RINL: variants seen among roughly 807,000 people sequenced by gnomAD.
The protein encoded by RINL is Ras and Rab interactor like.
In RINL, 39 loss-of-function variants were observed where a neutral mutation model predicts 58.1. That is an observed-to-expected ratio of 0.67 (90% CI 0.52 to 0.88). The LOEUF (loss-of-function observed/expected upper bound fraction) is 0.88. Ranked by LOEUF, RINL falls within the 40% of genes least tolerant of loss-of-function variation. RINL has a pLI of 0.00. For missense variants in RINL, 711 were observed against 749.2 expected, an observed-to-expected ratio of 0.95 and a Z score of 0.60; for synonymous variants, 286 against 323.1, an observed-to-expected ratio of 0.89 and a Z score of 1.23.
rs999701905 is a variant in RINL at position 38,873,969 on chromosome 19, C to A, written c.230G>T (p.Arg77Leu). ...CAACACCAGGGCCTGGCTGGGGTCACGTCCTGTGACCAAGAAACTCTGGGG... is the reference window on the plus strand; with the variant it reads ...CAACACCAGGGCCTGGCTGGGGTCAAGTCCTGTGACCAAGAAACTCTGGGG... ...WPLGSFLVTG[R>L]DPSQALVLRS... The change falls in exon 4 of 12, where the codon CGT becomes CTT. Residue 77 changes from arginine (R) to leucine (L), a missense_variant. Coordinates refer to ENST00000591812, the MANE Select transcript of RINL (RefSeq NM_001195833.2). The A allele has an allele frequency of 2.0e-6, 3 of 1,535,190 alleles. No homozygotes were observed. Among genetic ancestry groups the A allele is most frequent in the Non-Finnish European group, 2.6e-6 (3 of 1,146,152 alleles).
intron 4 of RINL, among the ~76,000 whole-genome samples, chr19:38,873,276 C>T (rs1431033920): frequency 6.6e-6 from 1 of 152,028 alleles, no homozygotes; most frequent in African/African-American, 2.4e-5. Context: ...GTGTATGGGG[C>T]AGAGTGAATG....
intron 6 of RINL, 138 bp downstream of exon 6, chr19:38,871,509 C>A: frequency 1.2e-6 from 1 of 822,842 alleles, no homozygotes; most frequent in Non-Finnish European, 2.0e-6. Context: ...CTACAAAGTC[C>A]AGGCCCCCAG....
In RINL at chr19:38,871,801, C is replaced by T. The variant is rs201019662; in HGVS notation, c.383G>A (p.Ser128Asn). The change falls in exon 5 of 12, where the codon AGC (serine) becomes AAC (asparagine). Residue 128 changes from serine to asparagine, a missense_variant. Coordinates refer to ENST00000591812, the MANE Select transcript of RINL (RefSeq NM_001195833.2). ...LPHLLAFLSA[S>N]RDVLPRTLLL... ...GCCTCAGATGGGTGACCTGTACCTG[C>T]TGGCTGATAGAAAGGCCAGGAGATG... 6.2e-7 allele frequency: 1 copy of T among 1,614,096 alleles called. No individual in the cohort carries two copies. Among genetic ancestry groups the T allele is most frequent in the Middle Eastern group, 1.6e-4 (1 of 6,062 alleles).
rs985826401 is a variant in RINL at position 38,875,215 on chromosome 19, T to C, written c.210+1116A>G. Among the ~76,000 whole-genome samples the C allele has an allele frequency of 9.3e-4, 119 of 127,904 alleles. 2 individuals are homozygous for C. In the South Asian group the frequency reaches 0.027, roughly 29 times the overall value. The allele number at this position is 127,904 out of a possible 152,430, so 83.9% of individuals were successfully genotyped here. ...CCCATCCTTTTTTTTTTCTTTTTTC[T>C]TTTTTTTTTTTTTTTAATAGAGACT... On this transcript the variant is annotated intron_variant, in intron 3 of 11. Coordinates refer to ENST00000591812, the MANE Select transcript of RINL (RefSeq NM_001195833.2).
chr19:38,870,594 G>T lies in RINL; in HGVS notation c.1000C>A (p.Leu334Ile), dbSNP rs1972784524. ...RAVFGSRGPG[L>I]PKKDEDPGPA... ...CCTGGATCCTCGTCCTTCTTGGGGA[G>T]CCCAGGACCCCTGCTTCCAAAGACA... The change falls in exon 8 of 12, where the codon CTC becomes ATC. Residue 334 changes from leucine (L) to isoleucine (I), a missense_variant. Coordinates refer to ENST00000591812, the MANE Select transcript of RINL (RefSeq NM_001195833.2). The surrounding 1 kb of genome is among the most constrained non-coding windows in gnomAD (Gnocchi z 5.8). 6.3e-7 allele frequency: 1 copy of T among 1,595,926 alleles called. No individual in the cohort carries two copies.
At chr19:38,871,617 C>T (rs1193189048) in intron 6 of RINL, 30 bp downstream of exon 6, 2 of 1,604,122 alleles carry the variant, frequency 1.2e-6, no homozygotes, top group Non-Finnish European at 1.7e-6. Flanking sequence ...GGCAGGTTGG[C>T]TGTGCCCTCT....
rs1465953944 is a variant in RINL, at chr19:38,870,749, C to T, written c.845G>A (p.Arg282Gln). The change falls in exon 8 of 12, where the codon CGG becomes CAG. Residue 282 changes from arginine to glutamine, a missense_variant. Physicochemically the swap from Arg to Gln is conservative, Grantham distance 43. Coordinates refer to ENST00000591812, the MANE Select transcript of RINL (RefSeq NM_001195833.2). This position sits in a 1 kb window ranked among gnomAD's most constrained non-coding sequence, Gnocchi z 5.8. ...CCCAGAATCTGAGGCGATGCGCACC[C>T]GAAGGCTTCGGTACTGCCTGGCCAC... Reference protein sequence around the residue: ...SYVARQYRSLRVRIASDSGGP... With the variant: ...SYVARQYRSLQVRIASDSGGP... The T allele has an allele frequency of 6.8e-6, 11 of 1,613,328 alleles. No homozygotes were observed. The highest frequency in any genetic ancestry group is 6.8e-6 in the Non-Finnish European group (8 of 1,179,998).
At chr19:38,875,761 A>G (rs980042206) in intron 3 of RINL, among the ~76,000 whole-genome samples, 2 of 152,176 alleles carry the variant, frequency 1.3e-5, no homozygotes, top group Admixed American at 1.3e-4. Flanking sequence ...CCTGCCTGGA[A>G]TGCACGCAGG....
At chr19:38,875,003 C>T (rs1383362479) in intron 3 of RINL, among the ~76,000 whole-genome samples, 5 of 151,646 alleles carry the variant, frequency 3.3e-5, no homozygotes, top group African/African-American at 7.3e-5. Flanking sequence ...GGTGTAATGG[C>T]GGGCGCCTGT....
Position 38,870,955 on chromosome 19 carries a change from C to G in RINL, c.639G>C (p.Val213=). ...CCACTTCCGGGCTGAGCGGGCCTTT[C>G]ACCCAGGAGACCCCGTGAGGCGCAG... ...RNPAPHGVSW[V]KGPLSPEVDH... is the part of the protein sequence containing the mutation. Residue 213 remains valine (V), a synonymous_variant, in exon 8 of 12, where the codon GTG becomes GTC. Transcript: ENST00000591812. This position sits in a 1 kb window ranked among gnomAD's most constrained non-coding sequence, Gnocchi z 5.8. 6.2e-7 allele frequency: 1 copy of G among 1,605,296 alleles called. No individual in the cohort carries two copies. The highest frequency in any genetic ancestry group is 8.5e-7 in the Non-Finnish European group (1 of 1,179,082).
chr19:38,873,854 T>C, intron 4 of RINL, 32 bp downstream of exon 4: 1 of 1,318,062 alleles, frequency 7.6e-7, no homozygotes, highest in Non-Finnish European at 1.1e-6. Context: ...ATCAATTGAC[T>C]GTGGGCTGGA....
rs192204738 is a variant in RINL, at chr19:38,877,160, C to T, written c.-39-379G>A. Among the ~76,000 whole-genome samples the T allele has an allele frequency of 2.7e-3, 404 of 152,290 alleles. 2 individuals are homozygous for T. The highest frequency in any genetic ancestry group is 9.4e-3 in the African/African-American group (389 of 41,534). ...AAACTCCTGACCTCAAGTGATCCCCCCGCCTCGGCCTCCCAAAGTGCTGAG... is the reference window on the plus strand; with the variant it reads ...AAACTCCTGACCTCAAGTGATCCCCTCGCCTCGGCCTCCCAAAGTGCTGAG... On this transcript the variant is annotated intron_variant, in intron 1 of 11. Transcript: ENST00000591812.
At chr19:38,874,062 C>T in intron 3 of RINL, 74 bp from the exon 4 acceptor site, 1 of 912,562 alleles carries the variant, frequency 1.1e-6, no homozygotes, top group South Asian at 1.5e-5. Context: ...GACTAGCATC[C>T]ATTTCCCTTA....
chr19:38,876,375 C>G lies in RINL; in HGVS notation c.166G>C (p.Asp56His). The G allele has an allele frequency of 6.5e-7, 1 of 1,536,136 alleles. No homozygotes were observed. Reference protein sequence around the residue: ...TWGVWHVPELDTQDAEALVGL... With the variant: ...TWGVWHVPELHTQDAEALVGL... ...ACAAGGGCCTCCGCATCCTGGGTAT[C>G]CAGCTCTGGCACATGCCACACCCCC... Residue 56 changes from aspartate to histidine, a missense_variant, in exon 3 of 12, where the codon GAT becomes CAT. Physicochemically the swap from Asp to His is moderately conservative, Grantham distance 81 (BLOSUM62 -1). Coordinates refer to ENST00000591812, the MANE Select transcript of RINL (RefSeq NM_001195833.2).
chr19:38,878,056 C>A (rs1276113080), intron 1 of RINL, among the ~76,000 whole-genome samples, 176 bp downstream of exon 1: 2 of 151,956 alleles, frequency 1.3e-5, no homozygotes, highest in Non-Finnish European at 2.9e-5. Flanking sequence ...CAGGCAAGAG[C>A]AGGAAGGAAG....
chr19:38,869,835 C>A lies in RINL; in HGVS notation c.1342+108G>T. The A allele has an allele frequency of 6.6e-7, 1 of 1,526,564 alleles. No individual in the cohort carries two copies. The highest frequency in any genetic ancestry group is 1.2e-5 in the South Asian group (1 of 83,516). 94.6% of individuals were successfully genotyped at this position (1,526,564 alleles called of 1,614,324 possible). On this transcript the variant is annotated intron_variant, in intron 9 of 11. Coordinates refer to ENST00000591812, the MANE Select transcript of RINL (RefSeq NM_001195833.2). This position sits in a 1 kb window ranked among gnomAD's most constrained non-coding sequence, Gnocchi z 5.7. ...TGTCGGGCATGACAGCGCCTCCTACCAGAATCTTCAGGACCGCATAGATTC... is the reference window on the plus strand; with the variant it reads ...TGTCGGGCATGACAGCGCCTCCTACAAGAATCTTCAGGACCGCATAGATTC...
In RINL at chr19:38,868,545, G is replaced by C. The variant is rs1568384065; in HGVS notation, c.*559C>G. On this transcript the variant is annotated 3_prime_UTR_variant, in exon 12 of 12. Transcript: ENST00000591812. The stretch of plus-strand genomic sequence containing the variant: ...GCTACTTGGTAGGCAGAGGCAGGGG[G>C]CTTGTTTGAGCCAGGAGGTTAAGGC... The C allele has an allele frequency of 6.6e-6, 1 of 152,000 alleles. No individual in the cohort carries two copies. Among genetic ancestry groups the C allele is most frequent in the Non-Finnish European group, 1.5e-5 (1 of 68,032 alleles). The allele number at this position is 152,000 out of a possible 1,614,324, so 9.4% of individuals were successfully genotyped here. A position where few individuals can be genotyped will look rare whatever the true frequency, so the allele number is the denominator to read the frequency against.
In RINL at chr19:38,876,422, A is replaced by G; in HGVS notation, c.119T>C (p.Leu40Pro). The G allele has an allele frequency of 1.3e-6, 2 of 1,536,022 alleles. No individual in the cohort carries two copies. Among genetic ancestry groups the G allele is most frequent in the Non-Finnish European group, 1.7e-6 (2 of 1,146,868 alleles). The change falls in exon 3 of 12, where the codon CTT becomes CCT. Residue 40 changes from leucine (L) to proline (P), a missense_variant. By Grantham distance (98) the Leu-to-Pro change is moderately conservative. Coordinates refer to ENST00000591812, the MANE Select transcript of RINL (RefSeq NM_001195833.2). ...PLGVLSTLEP[L>P]TRLQRTWGVW... ...CCCCCATGTCCTCTGCAGGCGAGTA[A>G]GTGGCTCTAGGGTGCTGAGGACCCC...
At chr19:38,874,315 C>T (rs142937048) in intron 3 of RINL, among the ~76,000 whole-genome samples, 8,433 of 152,096 alleles carry the variant, frequency 0.055, 337 homozygotes, top group South Asian at 0.15. Context: ...CCCTGTCGCC[C>T]AGGCTGGAGT....
Sources: gnomAD v4.1 joint callset for allele counts (sites outside exome capture counted in the v4.1 genomes callset) on GRCh38, gnomAD v4.1.1 for gene constraint, Gnocchi (gnomAD v3.1) non-coding constraint, MANE v1.5 for transcripts, NCBI Gene and HGNC (gene_info 2026-07-23, HGNC 2026-07-21) for gene names.